PDE10A: variants seen among roughly 807,000 people sequenced by gnomAD.
The protein encoded by PDE10A is cAMP and cAMP-inhibited cGMP 3',5'-cyclic phosphodiesterase 10A.
A neutral mutation model predicts 97.7 loss-of-function variants in PDE10A; 39 were observed. That is an observed-to-expected ratio of 0.40 (90% CI 0.31 to 0.52). The LOEUF (loss-of-function observed/expected upper bound fraction) is 0.52, where lower values mean the gene tolerates loss of function less well. Ranked by LOEUF, PDE10A falls within the 20% of genes least tolerant of loss-of-function variation. The pLI, the probability that PDE10A is intolerant of heterozygous loss-of-function variation, is 0.56. For missense variants in PDE10A, 731 were observed against 1,047.8 expected (o/e 0.70, Z 4.17); for synonymous variants, 371 against 376.8 (o/e 0.98, Z 0.18).
intron 1 of PDE10A, among the ~76,000 whole-genome samples, chr6:165,560,012 C>G (rs1416749872): frequency 1.3e-5 from 2 of 152,134 alleles, no homozygotes; most frequent in Non-Finnish European, 2.9e-5. Context: ...CGAATTAATA[C>G]AGTCCCCAAG....
intron 1 of PDE10A, among the ~76,000 whole-genome samples, chr6:165,630,292 A>T (rs1219959103): frequency 6.6e-6 from 1 of 152,158 alleles, no homozygotes; most frequent in East Asian, 1.9e-4. Flanking sequence ...AGATTGAAGT[A>T]AGCCAAGATT....
rs1474296447 is a variant in PDE10A at position 165,770,165 on chromosome 6, A to AAAG, written c.-615+217363_-615+217364insCTT. Among the ~76,000 whole-genome samples, 3 of 149,026 alleles carry AAAG rather than the reference A, an allele frequency of 2.0e-5. 1 individual carries two copies. Among genetic ancestry groups the AAAG allele is most frequent in the African/African-American group, 7.3e-5 (3 of 41,092 alleles). On this transcript the variant is annotated intron_variant, in intron 1 of 19. Coordinates refer to the PDE10A transcript ENST00000366882. ...AAAGTAAATCTAATGCAAAAGGGCA[A>AAAG]AAAAAAAAAAAAAGGAGTTAGGTCT...
At chr6:165,383,101 T>G (rs1785038774) in intron 17 of PDE10A, among the ~76,000 whole-genome samples, 1 of 152,144 alleles carries the variant, frequency 6.6e-6, no homozygotes, top group Non-Finnish European at 1.5e-5. Context: ...TTGGTATAAA[T>G]AGATAACTTT....
intron 13 of PDE10A, among the ~76,000 whole-genome samples, chr6:165,411,086 CAAAAAAA>C (rs71026688): frequency 5.6e-4 from 24 of 43,080 alleles, no homozygotes; most frequent in Admixed American, 2.6e-3. Flanking sequence ...GACTCCGCCT[CAAAAAAA>C]AAAAAAAAAA....
intron 18 of PDE10A, among the ~76,000 whole-genome samples, chr6:165,345,529 G>A (rs1782249586): frequency 6.6e-6 from 1 of 152,152 alleles, no homozygotes; most frequent in Non-Finnish European, 1.5e-5. Flanking sequence ...AGAACTGACT[G>A]CTAACTGAGG....
chr6:165,742,310 C>T (rs1247461581), intron 1 of PDE10A, among the ~76,000 whole-genome samples: 1 of 152,154 alleles, frequency 6.6e-6, no homozygotes, highest in Admixed American at 6.5e-5. Context: ...CTATCAAGTG[C>T]TCTCGCTGTT....
intron 1 of PDE10A, among the ~76,000 whole-genome samples, chr6:165,794,797 T>C (rs1233124132): frequency 6.6e-6 from 1 of 152,212 alleles, no homozygotes; most frequent in Non-Finnish European, 1.5e-5. Context: ...AGGTCTTAAG[T>C]GAAGGGATGA....
In PDE10A at chr6:165,649,794, C is replaced by T. The variant is rs79759156; in HGVS notation, c.865+12153G>A. Among the ~76,000 whole-genome samples the T allele has an allele frequency of 5.7e-3, 866 of 152,298 alleles. 11 individuals are homozygous for T. Among genetic ancestry groups the T allele is most frequent in the African/African-American group, 0.019 (804 of 41,570 alleles). On this transcript the variant is annotated intron_variant, in intron 1 of 21. Coordinates refer to ENST00000539869, the MANE Select transcript of PDE10A (RefSeq NM_001385079.1). ...TGGAGAAGCGCTAGTATCTAAAGCT[C>T]ATGTTTCTACAACAAGGCATCTGGT...
At chr6:165,901,364 T>G (rs1782100748) in intron 1 of PDE10A, among the ~76,000 whole-genome samples, 1 of 152,210 alleles carries the variant, frequency 6.6e-6, no homozygotes, top group African/African-American at 2.4e-5. Flanking sequence ...GTATTAAAAA[T>G]GACCATTCTC....
At chr6:165,670,430 C>A (rs1268417658) in intron 1 of PDE10A, among the ~76,000 whole-genome samples, 3 of 152,122 alleles carry the variant, frequency 2.0e-5, no homozygotes, top group Non-Finnish European at 4.4e-5. Flanking sequence ...AAAGGCCTTC[C>A]CACAGGTACA....
chr6:165,724,039 T>C (rs1792230792), intron 1 of PDE10A, among the ~76,000 whole-genome samples: 1 of 152,180 alleles, frequency 6.6e-6, no homozygotes, highest in African/African-American at 2.4e-5. Flanking sequence ...GTTAGTAGCA[T>C]GCAATCCATC....
At chr6:165,766,476 C>G (rs1371298584) in intron 1 of PDE10A, among the ~76,000 whole-genome samples, 1 of 152,208 alleles carries the variant, frequency 6.6e-6, no homozygotes, top group Non-Finnish European at 1.5e-5. Flanking sequence ...AACCTCCATA[C>G]AAAGTTTAGA....
intron 1 of PDE10A, among the ~76,000 whole-genome samples, chr6:165,633,284 A>C (rs967892714): frequency 1.3e-5 from 2 of 152,188 alleles, no homozygotes; most frequent in Admixed American, 1.3e-4. Context: ...GAGAGATTCA[A>C]GAATCAATAA....
intron 1 of PDE10A, among the ~76,000 whole-genome samples, chr6:165,606,153 G>GAAAAAA (rs71029555): frequency 5.3e-5 from 6 of 113,272 alleles, no homozygotes; most frequent in East Asian, 2.8e-4. Flanking sequence ...ACGAACAAGC[G>GAAAAAA]AAAAAAAAAA....
At chr6:165,736,404 A>C (rs1413751351) in intron 1 of PDE10A, among the ~76,000 whole-genome samples, 1 of 152,158 alleles carries the variant, frequency 6.6e-6, no homozygotes, top group Non-Finnish European at 1.5e-5. Context: ...ACAGTTTCAC[A>C]TGATGTCTCC....
At chr6:165,364,960 C>A (rs1783672680) in intron 18 of PDE10A, among the ~76,000 whole-genome samples, 2 of 151,708 alleles carry the variant, frequency 1.3e-5, no homozygotes, top group African/African-American at 4.8e-5. Flanking sequence ...AGTCAATGCC[C>A]AGATCATAAT....
At chr6:165,379,901 T>A (rs955881945) in intron 17 of PDE10A, among the ~76,000 whole-genome samples, 9 of 152,094 alleles carry the variant, frequency 5.9e-5, no homozygotes, top group Non-Finnish European at 1.2e-4. Context: ...AAAATGTTTA[T>A]TCAAACACAT....
chr6:165,799,475 G>A (rs964495909), intron 1 of PDE10A, among the ~76,000 whole-genome samples: 1 of 152,170 alleles, frequency 6.6e-6, no homozygotes, highest in African/African-American at 2.4e-5. Flanking sequence ...CACTATGGAG[G>A]GATTTTCCCT....
chr6:165,777,551 A>G (rs1464404548), intron 1 of PDE10A, among the ~76,000 whole-genome samples: 2 of 152,222 alleles, frequency 1.3e-5, no homozygotes, highest in African/African-American at 4.8e-5. Flanking sequence ...ATCCTAAGCA[A>G]GATGGTCAAA....
Sources: gnomAD v4.1 joint callset for allele counts (sites outside exome capture counted in the v4.1 genomes callset) on GRCh38, gnomAD v4.1.1 for gene constraint, MANE v1.5 for transcripts, NCBI Gene and HGNC (gene_info 2026-07-23, HGNC 2026-07-21) for gene names.